IQCF3: variants seen among roughly 807,000 people sequenced by gnomAD.
IQCF3 encodes the protein IQ motif containing F3.
In IQCF3, 7 loss-of-function variants were observed where a neutral mutation model predicts 5.1. The ratio of observed to expected loss-of-function variants is 1.36; its 90% CI spans 0.78 to 2.56. The LOEUF (loss-of-function observed/expected upper bound fraction) is 2.56, where lower values mean the gene tolerates loss of function less well. Among genes scored for constraint, IQCF3 ranks in the 30% most tolerant of loss-of-function variants. The pLI is 0.00. For missense variants in IQCF3, 189 were observed against 196.5 expected, an observed-to-expected ratio of 0.96 and a Z score of 0.23; for synonymous variants, 82 against 72.8, an observed-to-expected ratio of 1.13 and a Z score of -0.64.
Position 51,830,280 on chromosome 3 carries a change from G to T in IQCF3, c.67-123G>T. ...GAGCCATGAACAGGACAGAAGTAGA[G>T]GACAAACCCCACCCAGGTCTCCTGG... is the stretch of plus-strand genomic sequence containing the variant. On this transcript the variant is annotated intron_variant, in intron 2 of 2. Transcript: ENST00000440739. The surrounding 1 kb of genome is among the most constrained non-coding windows in gnomAD (Gnocchi z 4.1). 1 of 1,089,382 alleles carries T rather than the reference G, an allele frequency of 9.2e-7. No individual in the cohort carries two copies. Among genetic ancestry groups the T allele is most frequent in the East Asian group, 2.5e-5 (1 of 40,388 alleles). 67.5% of individuals were successfully genotyped at this position (1,089,382 alleles called of 1,614,324 possible).
In IQCF3 at chr3:51,829,593, C is replaced by G. The variant is rs535839358; in HGVS notation, c.19-72C>G. On this transcript the variant is annotated intron_variant, in intron 1 of 2. Transcript: ENST00000440739. ...TAGGACCCAGGCAAAGAATGGGGAA[C>G]TGGGCCTGTGGGGACTTTGCAGTCA... is the stretch of plus-strand genomic sequence containing the variant. 5.0e-6 allele frequency: 8 copies of G among 1,597,176 alleles called. No individual in the cohort carries two copies. The African/African-American group carries it at 1.1e-4, about 21-fold the overall frequency.
At chr3:51,829,905 G>A (rs1698342503) in intron 2 of IQCF3, 193 bp downstream of exon 2, 1 of 608,180 alleles carries the variant, frequency 1.6e-6, no homozygotes. Context: ...ACAGCCACCT[G>A]ATAGGTGGGG....
chr3:51,830,260 A>G lies in IQCF3; in HGVS notation c.67-143A>G. The G allele has an allele frequency of 1.2e-6, 1 of 801,952 alleles. No individual in the cohort carries two copies. 49.7% of individuals were successfully genotyped at this position (801,952 alleles called of 1,614,324 possible). A position where few individuals can be genotyped will look rare whatever the true frequency, so the allele number is the denominator to read the frequency against. ...TGGGACTGTGAGGGTGTCCAGAGCCATGAACAGGACAGAAGTAGAGGACAA... is the reference window on the plus strand; with the variant it reads ...TGGGACTGTGAGGGTGTCCAGAGCCGTGAACAGGACAGAAGTAGAGGACAA... On this transcript the variant is annotated intron_variant, in intron 2 of 2. Coordinates refer to ENST00000440739, the MANE Select transcript of IQCF3 (RefSeq NM_001393887.1). The surrounding 1 kb of genome is among the most constrained non-coding windows in gnomAD (Gnocchi z 4.1).
chr3:51,830,604 G>A lies in IQCF3; in HGVS notation c.268G>A (p.Glu90Lys), dbSNP rs1350029832. Residue 90 changes from glutamate (E) to lysine (K), a missense_variant, in exon 3 of 3, where the codon GAG (glutamate) becomes AAG (lysine). Physicochemically the swap from Glu to Lys is moderately conservative, Grantham distance 56. Coordinates refer to ENST00000440739, the MANE Select transcript of IQCF3 (RefSeq NM_001393887.1). The surrounding 1 kb of genome is among the most constrained non-coding windows in gnomAD (Gnocchi z 4.1). Reference protein sequence around the residue: ...QALLRVYVIQEQATVKLQSCI... With the variant: ...QALLRVYVIQKQATVKLQSCI... The stretch of plus-strand genomic sequence containing the variant: ...CCTGTTGAGGGTCTACGTCATCCAG[G>A]AGCAGGCGACGGTCAAGCTCCAGTC... 1 of 1,613,962 alleles carries A rather than the reference G, an allele frequency of 6.2e-7. No individual in the cohort carries two copies. Among genetic ancestry groups the A allele is most frequent in the Admixed American group, 1.7e-5 (1 of 60,026 alleles).
rs1335249280 is a variant in IQCF3, at chr3:51,830,674, G to T, written c.338G>T (p.Cys113Phe). 6.2e-7 allele frequency: 1 copy of T among 1,614,038 alleles called. No individual in the cohort carries two copies. Among genetic ancestry groups the T allele is most frequent in the Non-Finnish European group, 8.5e-7 (1 of 1,179,902 alleles). The part of the protein sequence containing the change: ...WQCRQCYRQM[C>F]NALCLFQVPE... Reference sequence around the variant, plus strand: ...TGCCGGCAATGTTACCGCCAAATGTGCAATGCTCTCTGCTTGTTCCAGGTC... The same window carrying T: ...TGCCGGCAATGTTACCGCCAAATGTTCAATGCTCTCTGCTTGTTCCAGGTC... The change falls in exon 3 of 3, where the codon TGC becomes TTC. Residue 113 changes from cysteine (C) to phenylalanine (F), a missense_variant. Coordinates refer to ENST00000440739, the MANE Select transcript of IQCF3 (RefSeq NM_001393887.1). The surrounding 1 kb of genome is among the most constrained non-coding windows in gnomAD (Gnocchi z 4.1).
At position 51,830,142 on chromosome 3, in the gene IQCF3, T is replaced by C. The variant is rs925232292; in HGVS notation, c.67-261T>C. On this transcript the variant is annotated intron_variant, in intron 2 of 2. Coordinates refer to ENST00000440739, the MANE Select transcript of IQCF3 (RefSeq NM_001393887.1). The surrounding 1 kb of genome is among the most constrained non-coding windows in gnomAD (Gnocchi z 4.1). ...AGTTCCTCACACCCTGGTCTTCCAG[T>C]TGGGTCTTCTGGACCAGAAAGTGTC... 3.9e-5 allele frequency among the ~76,000 whole-genome samples: 6 copies of C among 152,182 alleles called. No homozygotes were observed. The highest frequency in any genetic ancestry group is 2.1e-4 in the South Asian group (1 of 4,826).
Position 51,830,595 on chromosome 3 carries a change from G to A in IQCF3, c.259G>A (p.Val87Ile), listed in dbSNP as rs182141445. Reference sequence around the variant, plus strand: ...GCGGCAGGCCCTGTTGAGGGTCTACGTCATCCAGGAGCAGGCGACGGTCAA... The same window carrying A: ...GCGGCAGGCCCTGTTGAGGGTCTACATCATCCAGGAGCAGGCGACGGTCAA... ...QRRQALLRVY[V>I]IQEQATVKLQ... Residue 87 changes from valine (V) to isoleucine (I), a missense_variant, in exon 3 of 3, where the codon GTC becomes ATC. Transcript: ENST00000440739. The surrounding 1 kb of genome is among the most constrained non-coding windows in gnomAD (Gnocchi z 4.1). 6,921 of 1,613,936 alleles carry A rather than the reference G, an allele frequency of 4.3e-3. 75 individuals carry two copies. The highest frequency in any genetic ancestry group is 3.8e-3 in the Non-Finnish European group (4,440 of 1,179,848).
chr3:51,830,130 C>T lies in IQCF3; in HGVS notation c.67-273C>T, dbSNP rs1698346029. ...TAAGAATCCTTCAGTTCCTCACACC[C>T]TGGTCTTCCAGTTGGGTCTTCTGGA... On this transcript the variant is annotated intron_variant, in intron 2 of 2. Transcript: ENST00000440739. The surrounding 1 kb of genome is among the most constrained non-coding windows in gnomAD (Gnocchi z 4.1). 6.6e-6 allele frequency among the ~76,000 whole-genome samples: 1 copy of T among 152,200 alleles called. No individual in the cohort carries two copies. The highest frequency in any genetic ancestry group is 6.5e-5 in the Admixed American group (1 of 15,290).
chr3:51,827,786 T>G (rs1204183420), upstream of IQCF3, among the ~76,000 whole-genome samples: 1 of 152,174 alleles, frequency 6.6e-6, no homozygotes, highest in Non-Finnish European at 1.5e-5. Flanking sequence ...TACTCAATAG[T>G]TACTTTTCTG....
chr3:51,829,910 G>A (rs6795223), intron 2 of IQCF3, 198 bp downstream of exon 2: 2 of 600,518 alleles, frequency 3.3e-6, no homozygotes, highest in Admixed American at 5.6e-5. Flanking sequence ...CACCTGATAG[G>A]TGGGGCTCAG....
chr3:51,830,011 G>T lies in IQCF3; in HGVS notation c.66+299G>T. ...AGTGAGATGAGGGGAGACCCCAAAG[G>T]GCTGCAGCACCACGCAAGACATTAG... is the stretch of plus-strand genomic sequence containing the variant. On this transcript the variant is annotated intron_variant, in intron 2 of 2. Coordinates refer to ENST00000440739, the MANE Select transcript of IQCF3 (RefSeq NM_001393887.1). This position sits in a 1 kb window ranked among gnomAD's most constrained non-coding sequence, Gnocchi z 4.1. 1 of 488,402 alleles carries T rather than the reference G, an allele frequency of 2.0e-6. No homozygotes were observed. 30.3% of individuals were successfully genotyped at this position (488,402 alleles called of 1,614,324 possible).
chr3:51,830,491 C>T lies in IQCF3; in HGVS notation c.155C>T (p.Thr52Ile), dbSNP rs759011669. 2 of 1,613,614 alleles carry T rather than the reference C, an allele frequency of 1.2e-6. No homozygotes were observed. Among genetic ancestry groups the T allele is most frequent in the Non-Finnish European group, 8.5e-7 (1 of 1,179,698 alleles). Residue 52 changes from threonine (T) to isoleucine (I), a missense_variant, in exon 3 of 3, where the codon ACC becomes ATC. Physicochemically the swap from Thr to Ile is moderately conservative, Grantham distance 89. Coordinates refer to ENST00000440739, the MANE Select transcript of IQCF3 (RefSeq NM_001393887.1). This position sits in a 1 kb window ranked among gnomAD's most constrained non-coding sequence, Gnocchi z 4.1. ...AWWRGVLVRRTLLVAALRAWM... is the reference protein window; with the variant it reads ...AWWRGVLVRRILLVAALRAWM... Reference sequence around the variant, plus strand: ...TGGCGTGGGGTCCTGGTGCGCAGGACCCTGCTGGTTGCTGCCCTCAGGGCC... The same window carrying T: ...TGGCGTGGGGTCCTGGTGCGCAGGATCCTGCTGGTTGCTGCCCTCAGGGCC...
At chr3:51,828,990 A>G (rs1698326968), upstream of IQCF3, among the ~76,000 whole-genome samples, 1 of 152,132 alleles carries the variant, frequency 6.6e-6, no homozygotes, top group Non-Finnish European at 1.5e-5. Flanking sequence ...GTCCGTGGTA[A>G]CATCCCCTTT....
At chr3:51,827,762 G>C (rs1698307755), upstream of IQCF3, among the ~76,000 whole-genome samples, 1 of 152,006 alleles carries the variant, frequency 6.6e-6, no homozygotes, top group East Asian at 1.9e-4. Context: ...TCATCACCCA[G>C]GTACTAAACC....
At chr3:51,829,849 G>A (rs1383134814) in intron 2 of IQCF3, 137 bp downstream of exon 2, 1 of 840,744 alleles carries the variant, frequency 1.2e-6, no homozygotes, top group Non-Finnish European at 1.9e-6. Flanking sequence ...GGTGAACTGA[G>A]TAAGGTATGG....
In IQCF3 at chr3:51,830,560, T is replaced by G. The variant is rs1186572244; in HGVS notation, c.224T>G (p.Ile75Ser). Residue 75 changes from isoleucine to serine, a missense_variant, in exon 3 of 3, where the codon ATC becomes AGC. Transcript: ENST00000440739. This position sits in a 1 kb window ranked among gnomAD's most constrained non-coding sequence, Gnocchi z 4.1. Reference sequence around the variant, plus strand: ...TGGAGGACGTTGGTGCAGAGACGGATCCGTCAGCGGCGGCAGGCCCTGTTG... The same window carrying G: ...TGGAGGACGTTGGTGCAGAGACGGAGCCGTCAGCGGCGGCAGGCCCTGTTG... Reference protein sequence around the residue: ...CWWRTLVQRRIRQRRQALLRV... With the variant: ...CWWRTLVQRRSRQRRQALLRV... 27 of 1,613,764 alleles carry G rather than the reference T, an allele frequency of 1.7e-5. No individual in the cohort carries two copies. The highest frequency in any genetic ancestry group is 2.2e-5 in the Non-Finnish European group (26 of 1,179,854).
At chr3:51,829,037 A>T (rs1302151517), upstream of IQCF3, among the ~76,000 whole-genome samples, 1 of 152,198 alleles carries the variant, frequency 6.6e-6, no homozygotes, top group Non-Finnish European at 1.5e-5. Flanking sequence ...AAAAACATTT[A>T]CATTAAATGT....
In IQCF3 at chr3:51,829,718, T is replaced by G. The variant is rs777327366; in HGVS notation, c.66+6T>G. On this transcript the variant is annotated splice_donor_region_variant and intron_variant, in intron 2 of 2. Coordinates refer to ENST00000440739, the MANE Select transcript of IQCF3 (RefSeq NM_001393887.1). Reference sequence around the variant, plus strand: ...AAAGACAGAGGCGGCAGAAGGTAGGTGGGGCCCAGGAGGGTGAGAGAATTG... The same window carrying G: ...AAAGACAGAGGCGGCAGAAGGTAGGGGGGGCCCAGGAGGGTGAGAGAATTG... 5.5e-5 allele frequency: 88 copies of G among 1,613,274 alleles called. No homozygotes were observed. Among genetic ancestry groups the G allele is most frequent in the Non-Finnish European group, 6.9e-5 (81 of 1,179,654 alleles).
upstream of IQCF3, chr3:51,828,533 C>T (rs1390388419): frequency 7.2e-5 from 11 of 152,168 alleles, no homozygotes; most frequent in African/African-American, 2.4e-4. Flanking sequence ...CCTACTTGAT[C>T]GTGGTGGATT....
Sources: gnomAD v4.1 joint callset for allele counts (sites outside exome capture counted in the v4.1 genomes callset) on GRCh38, gnomAD v4.1.1 for gene constraint, Gnocchi (gnomAD v3.1) non-coding constraint, MANE v1.5 for transcripts, NCBI Gene and HGNC (gene_info 2026-07-23, HGNC 2026-07-21) for gene names.